The following SAMD8 variants were observed in gnomAD, a reference collection of about 807,000 sequenced individuals.
SAMD8 encodes sphingomyelin synthase-related protein 1.
SAMD8 carries 20 observed loss-of-function variants against 42.0 expected under a neutral mutation model. The observed-to-expected ratio is 0.48, with a 90% CI of 0.34 to 0.69. The LOEUF (loss-of-function observed/expected upper bound fraction) is 0.69, where lower values mean the gene tolerates loss of function less well. Ranked by LOEUF, SAMD8 falls within the 30% of genes least tolerant of loss-of-function variation. The probability of loss-of-function intolerance (pLI) is 0.01; values close to 1 mark genes in which losing one functional copy is unlikely to be tolerated. For missense variants in SAMD8, 328 were observed against 511.6 expected, an observed-to-expected ratio of 0.64 and a Z score of 3.46; for synonymous variants, 162 against 173.0, an observed-to-expected ratio of 0.94 and a Z score of 0.50.
chr10:75,152,002 T>A (rs549446093), intron 2 of SAMD8, among the ~76,000 whole-genome samples: 3 of 151,782 alleles, frequency 2.0e-5, no homozygotes, highest in Admixed American at 6.6e-5. Context: ...TACTTTAGAT[T>A]TTAAGAGGGT....
chr10:75,153,772 T>TG lies in SAMD8; in HGVS notation c.578+2666_578+2667insG, dbSNP rs202122408. ...TAAAACTATAGTAAAGAGGTTTTTT[T>TG]TTTTGTTTTGTTTTTGTTGTTTTGA... On this transcript the variant is annotated intron_variant, in intron 2 of 5. Transcript: ENST00000542569. Among the ~76,000 whole-genome samples, 968 of 151,970 alleles carry TG rather than the reference T, an allele frequency of 6.4e-3. 36 individuals carry two copies. Among genetic ancestry groups the TG allele is most frequent in the Admixed American group, 0.051 (782 of 15,242 alleles).
At chr10:75,136,690 G>A (rs913174646) in intron 1 of SAMD8, among the ~76,000 whole-genome samples, 3 of 152,102 alleles carry the variant, frequency 2.0e-5, no homozygotes, top group Non-Finnish European at 4.4e-5. Context: ...GCATTAGGAG[G>A]CCAACATGAA....
rs983443321 is a variant in SAMD8, at chr10:75,181,186, G to C, written c.*4494G>C. ...TTTCATTTAGACAGTTTCTAAGCCA[G>C]CAAAGGTGTCAATTTTAATGCCAAC... On this transcript the variant is annotated 3_prime_UTR_variant, in exon 6 of 6. Coordinates refer to ENST00000542569, the MANE Select transcript of SAMD8 (RefSeq NM_001174156.2). The C allele has an allele frequency of 1.3e-5, 2 of 152,186 alleles. No individual in the cohort carries two copies. The highest frequency in any genetic ancestry group is 4.8e-5 in the African/African-American group (2 of 41,450). 9.4% of individuals were successfully genotyped at this position (152,186 alleles called of 1,614,324 possible).
chr10:75,121,672 A>G lies in SAMD8; in HGVS notation c.-16+9950A>G, dbSNP rs188452060. The stretch of plus-strand genomic sequence containing the variant: ...TATGCATATATGGGTTAATAATTGA[A>G]TTTAATTGACCTTCTTAATTTTTTT... On this transcript the variant is annotated intron_variant, in intron 1 of 5. Transcript: ENST00000542569. 2.6e-4 allele frequency among the ~76,000 whole-genome samples: 40 copies of G among 152,130 alleles called. No homozygotes were observed. In the East Asian group the frequency reaches 7.5e-3, roughly 29 times the overall value.
chr10:75,149,663 C>G (rs568445762), intron 1 of SAMD8, among the ~76,000 whole-genome samples: 119 of 152,250 alleles, frequency 7.8e-4, no homozygotes, highest in African/African-American at 2.8e-3. Context: ...TATTTCCCCC[C>G]AGGTGGGGAG....
chr10:75,129,607 C>T (rs761571127), intron 1 of SAMD8, among the ~76,000 whole-genome samples: 12 of 151,968 alleles, frequency 7.9e-5, no homozygotes, highest in Non-Finnish European at 1.2e-4. Flanking sequence ...TTGTCATCTA[C>T]GTAGGAAAAA....
intron 1 of SAMD8, among the ~76,000 whole-genome samples, chr10:75,123,382 A>C (rs938188405): frequency 1.4e-4 from 22 of 152,162 alleles, no homozygotes; most frequent in Non-Finnish European, 2.9e-5. Flanking sequence ...TTGAAGTCCA[A>C]GTTCCCCAAA....
chr10:75,148,216 T>G lies in SAMD8; in HGVS notation c.-15-2298T>G, dbSNP rs151206385. Among the ~76,000 whole-genome samples, 711 of 152,278 alleles carry G rather than the reference T, an allele frequency of 4.7e-3. 4 individuals are homozygous for G. The highest frequency in any genetic ancestry group is 5.7e-3 in the Non-Finnish European group (388 of 68,030). On this transcript the variant is annotated intron_variant, in intron 1 of 5. Coordinates refer to ENST00000542569, the MANE Select transcript of SAMD8 (RefSeq NM_001174156.2). ...TGTGGGTGGATTTTATCAAGCTTATTTCTTGTTTTCTAAATAGTTTTGATG... is the reference window on the plus strand; with the variant it reads ...TGTGGGTGGATTTTATCAAGCTTATGTCTTGTTTTCTAAATAGTTTTGATG...
chr10:75,110,891 T>C (rs1022774317), upstream of SAMD8, among the ~76,000 whole-genome samples: 1 of 152,026 alleles, frequency 6.6e-6, no homozygotes, highest in Admixed American at 6.5e-5. Context: ...TCTCGGCTCA[T>C]TGCAACCTCC....
intron 1 of SAMD8, among the ~76,000 whole-genome samples, chr10:75,138,900 A>AT (rs1450541369): frequency 6.6e-6 from 1 of 151,812 alleles, no homozygotes; most frequent in Non-Finnish European, 1.5e-5. Context: ...TTCTGCAGGA[A>AT]TGACTGTTCT....
chr10:75,136,525 TCAA>T (rs1269975368), intron 1 of SAMD8, among the ~76,000 whole-genome samples: 3 of 152,134 alleles, frequency 2.0e-5, no homozygotes, highest in Admixed American at 2.0e-4. Flanking sequence ...TGTTCTGAAA[TCAA>T]CAATTCAGAG....
chr10:75,161,675 G>T (rs1266345209), intron 2 of SAMD8, among the ~76,000 whole-genome samples: 3 of 151,486 alleles, frequency 2.0e-5, no homozygotes, highest in Admixed American at 2.0e-4. Flanking sequence ...GAGGCCCAAA[G>T]AAAATTCAGA....
intron 1 of SAMD8, among the ~76,000 whole-genome samples, chr10:75,128,393 A>T (rs1849196417): frequency 6.6e-6 from 1 of 151,980 alleles, no homozygotes; most frequent in African/African-American, 2.4e-5. Flanking sequence ...TTAAATTTTA[A>T]TAAAAACAAG....
intron 1 of SAMD8, among the ~76,000 whole-genome samples, chr10:75,117,567 A>G (rs1697113139): frequency 1.3e-5 from 2 of 152,134 alleles, no homozygotes; most frequent in South Asian, 2.1e-4. Flanking sequence ...GTACAAAAAA[A>G]TTAGCTGGGC....
chr10:75,162,138 C>T (rs757929344), intron 2 of SAMD8, among the ~76,000 whole-genome samples: 8 of 152,202 alleles, frequency 5.3e-5, no homozygotes, highest in Non-Finnish European at 8.8e-5. Context: ...GCAGGTGGAT[C>T]ACGTGAGGTC....
intron 1 of SAMD8, among the ~76,000 whole-genome samples, chr10:75,147,444 A>G (rs1237256639): frequency 8.6e-5 from 13 of 151,852 alleles, no homozygotes; most frequent in Non-Finnish European, 1.5e-5. Context: ...CTCTGCCTCA[A>G]CCTCCCTAGT....
chr10:75,138,566 GGTT>G (rs915672528), intron 1 of SAMD8, among the ~76,000 whole-genome samples: 4 of 152,152 alleles, frequency 2.6e-5, no homozygotes, highest in South Asian at 2.1e-4. Flanking sequence ...CCAAATGTAA[GGTT>G]GTTATGTTTA....
chr10:75,130,460 C>T (rs1229222623), intron 1 of SAMD8, among the ~76,000 whole-genome samples: 5 of 152,002 alleles, frequency 3.3e-5, no homozygotes, highest in South Asian at 2.1e-4. Context: ...GAGCCGAGAT[C>T]GTACCATTGC....
upstream of SAMD8, chr10:75,107,924 G>C: frequency 6.7e-7 from 1 of 1,500,680 alleles, no homozygotes; most frequent in Non-Finnish European, 9.0e-7. Context: ...ACTGATGACT[G>C]AGAGGAAATG....
Sources: gnomAD v4.1 joint callset for allele counts (sites outside exome capture counted in the v4.1 genomes callset) on GRCh38, gnomAD v4.1.1 for gene constraint, MANE v1.5 for transcripts, NCBI Gene and HGNC (gene_info 2026-07-23, HGNC 2026-07-21) for gene names.